DPYD: variants seen among roughly 807,000 people sequenced by gnomAD.
DPYD encodes dihydropyrimidine dehydrogenase, also known as dihydropyrimidine dehydrogenase [NADP(+)].
A neutral mutation model predicts 116.2 loss-of-function variants in DPYD; 109 were observed. That is an observed-to-expected ratio of 0.94 (90% CI 0.80 to 1.10). DPYD has a LOEUF of 1.10. Ranked by LOEUF, DPYD falls within the 50% of genes least tolerant of loss-of-function variation. The pLI is 0.00. For missense variants in DPYD, 1,302 were observed against 1,254.5 expected (o/e 1.04, Z -0.57); for synonymous variants, 440 against 432.0 (o/e 1.02, Z -0.23).
At chr1:97,742,440 A>G (rs955985408) in intron 3 of DPYD, among the ~76,000 whole-genome samples, 12 of 152,124 alleles carry the variant, frequency 7.9e-5, no homozygotes, top group Non-Finnish European at 1.5e-4. Flanking sequence ...GGCTTTTCAT[A>G]ATCAATTGTC....
intron 20 of DPYD, among the ~76,000 whole-genome samples, chr1:97,134,012 AAAATATATATAT>A (rs1358276608): frequency 2.5e-4 from 12 of 48,824 alleles, no homozygotes; most frequent in Admixed American, 1.3e-3. Flanking sequence ...AAAAAAAAAA[AAAATATATATAT>A]ATATATATAT....
At chr1:97,344,822 A>G (rs1558044064) in intron 16 of DPYD, among the ~76,000 whole-genome samples, 1 of 151,920 alleles carries the variant, frequency 6.6e-6, no homozygotes, top group Non-Finnish European at 1.5e-5. Flanking sequence ...TGCATGTACT[A>G]TAATTTTTAT....
rs554802353 is a variant in DPYD at position 97,141,630 on chromosome 1, C to T, written c.2623-42998G>A. On this transcript the variant is annotated intron_variant, in intron 20 of 22. Transcript: ENST00000370192. ...TTCCTGTTTACATAGCCCTTATCAC[C>T]GAATATACTATCATTTATTATCTTT... Among the ~76,000 whole-genome samples the T allele has an allele frequency of 6.6e-5, 10 of 152,198 alleles. No homozygotes were observed. The South Asian group carries it at 8.3e-4, about 13-fold the overall frequency.
At position 97,892,336 on chromosome 1, in the gene DPYD, G is replaced by T. The variant is rs1672821369; in HGVS notation, c.40-8962C>A. Reference sequence around the variant, plus strand: ...CAGTTTATTTGCTTAACAGTCTCTTGTTTAAAAGCCCCAGTCTCAGCCAGT... The same window carrying T: ...CAGTTTATTTGCTTAACAGTCTCTTTTTTAAAAGCCCCAGTCTCAGCCAGT... On this transcript the variant is annotated intron_variant, in intron 1 of 22. Coordinates refer to ENST00000370192, the MANE Select transcript of DPYD (RefSeq NM_000110.4). Among the ~76,000 whole-genome samples, 3 of 151,842 alleles carry T rather than the reference G, an allele frequency of 2.0e-5. No homozygotes were observed. The South Asian group carries it at 6.2e-4, about 31-fold the overall frequency.
chr1:97,550,059 A>G (rs187906131), intron 11 of DPYD, among the ~76,000 whole-genome samples: 32 of 152,314 alleles, frequency 2.1e-4, no homozygotes, highest in South Asian at 4.1e-4. Flanking sequence ...AATACATACA[A>G]AATACATTTT....
chr1:97,240,709 A>G (rs1662277993), intron 18 of DPYD, among the ~76,000 whole-genome samples: 1 of 152,028 alleles, frequency 6.6e-6, no homozygotes, highest in Non-Finnish European at 1.5e-5. Flanking sequence ...TTTTAACACC[A>G]TCCAGAAGAA....
chr1:97,835,840 C>G (rs1298740211), intron 2 of DPYD, among the ~76,000 whole-genome samples: 1 of 152,010 alleles, frequency 6.6e-6, no homozygotes, highest in Non-Finnish European at 1.5e-5. Flanking sequence ...TTTACTTACT[C>G]ACTTAATCTT....
chr1:97,553,881 C>T (rs775393454), intron 11 of DPYD, among the ~76,000 whole-genome samples: 7 of 151,952 alleles, frequency 4.6e-5, no homozygotes, highest in Non-Finnish European at 5.9e-5. Context: ...TGATATGGTG[C>T]CTGGAATTTT....
chr1:97,652,418 A>G (rs1658640417), intron 8 of DPYD, among the ~76,000 whole-genome samples: 1 of 152,212 alleles, frequency 6.6e-6, no homozygotes, highest in Non-Finnish European at 1.5e-5. Flanking sequence ...ATCATTATGA[A>G]TTGGTATCAT....
intron 13 of DPYD, among the ~76,000 whole-genome samples, chr1:97,468,653 A>G (rs915804399): frequency 3.9e-5 from 6 of 152,342 alleles, no homozygotes; most frequent in Non-Finnish European, 8.8e-5. Context: ...ACAAATGTAA[A>G]AATCATTCTT....
chr1:97,417,744 TA>T (rs1433285946), intron 14 of DPYD, among the ~76,000 whole-genome samples: 4 of 152,216 alleles, frequency 2.6e-5, no homozygotes, highest in African/African-American at 9.6e-5. Context: ...ATAAGAGTGT[TA>T]ACCATTGTAA....
rs149201044 is a variant in DPYD, at chr1:97,404,408, T to C, written c.1906-21947A>G. 1.4e-3 allele frequency among the ~76,000 whole-genome samples: 219 copies of C among 152,258 alleles called. 1 individual carries two copies. Among genetic ancestry groups the C allele is most frequent in the African/African-American group, 4.8e-3 (201 of 41,580 alleles). On this transcript the variant is annotated intron_variant, in intron 14 of 22. Coordinates refer to ENST00000370192, the MANE Select transcript of DPYD (RefSeq NM_000110.4). ...GTGTTGTAGTCTCCAACTATGCTAA[T>C]AGATGCACTACTTGTCTTTGCTGTT... is the stretch of plus-strand genomic sequence containing the variant.
intron 18 of DPYD, chr1:97,265,390 T>A (rs1033207993): frequency 1.3e-5 from 2 of 152,202 alleles, no homozygotes; most frequent in East Asian, 1.9e-4. Context: ...TTCTTATGTA[T>A]TTTTTATTCT....
At chr1:97,619,268 C>T (rs909066464) in intron 8 of DPYD, among the ~76,000 whole-genome samples, 1 of 152,106 alleles carries the variant, frequency 6.6e-6, no homozygotes, top group Non-Finnish European at 1.5e-5. Flanking sequence ...ATTATTTCTA[C>T]TTTAAACAAT....
chr1:97,540,813 C>T (rs1650398779), intron 12 of DPYD, among the ~76,000 whole-genome samples: 1 of 152,168 alleles, frequency 6.6e-6, no homozygotes. Flanking sequence ...TACCTATGGG[C>T]TGTCAGCCAT....
At chr1:97,757,438 T>C (rs1331597633) in intron 3 of DPYD, among the ~76,000 whole-genome samples, 2 of 151,968 alleles carry the variant, frequency 1.3e-5, no homozygotes, top group Non-Finnish European at 2.9e-5. Flanking sequence ...AGGAGGTGAG[T>C]CCAGGGAGGC....
chr1:97,587,380 C>A (rs1008320649), intron 10 of DPYD, among the ~76,000 whole-genome samples: 1 of 152,210 alleles, frequency 6.6e-6, no homozygotes, highest in Non-Finnish European at 1.5e-5. Flanking sequence ...AAATGACGTG[C>A]AGGTGCCAAA....
At chr1:97,233,480 G>C (rs1460392780) in intron 19 of DPYD, among the ~76,000 whole-genome samples, 1 of 152,104 alleles carries the variant, frequency 6.6e-6, no homozygotes, top group African/African-American at 2.4e-5. Context: ...GCTTGGTGAG[G>C]GTGGACGTCT....
At chr1:97,786,390 CAA>C (rs1667029576) in intron 3 of DPYD, among the ~76,000 whole-genome samples, 1 of 152,164 alleles carries the variant, frequency 6.6e-6, no homozygotes, top group Non-Finnish European at 1.5e-5. Flanking sequence ...CACTTTTACG[CAA>C]AAGACATCTT....
Sources: gnomAD v4.1 joint callset for allele counts (sites outside exome capture counted in the v4.1 genomes callset) on GRCh38, gnomAD v4.1.1 for gene constraint, MANE v1.5 for transcripts, NCBI Gene and HGNC (gene_info 2026-07-23, HGNC 2026-07-21) for gene names.